Variants in RAP1A observed in about 807,000 individuals in gnomAD.
The protein encoded by RAP1A is RAP1A, member of RAS oncogene family, also known as ras-related protein Rap-1A.
Under a neutral mutation model 26.4 loss-of-function variants are expected in RAP1A, and 6 were observed. That is an observed-to-expected ratio of 0.23 (90% confidence interval 0.12 to 0.45). The LOEUF is 0.45. RAP1A is among the 20% of genes least tolerant of loss of function. The probability of loss-of-function intolerance (pLI) is 0.99; values close to 1 mark genes in which losing one functional copy is unlikely to be tolerated. For synonymous variants in RAP1A, 73 were observed against 79.4 expected (o/e 0.92, Z 0.43); for missense variants, 121 against 217.2 (o/e 0.56, Z 2.78).
At chr1:111,579,897 C>A (rs1486944880) in intron 1 of RAP1A, among the ~76,000 whole-genome samples, 1 of 151,260 alleles carries the variant, frequency 6.6e-6, no homozygotes, top group African/African-American at 2.4e-5. Context: ...GCAAGCGAGT[C>A]TCTTGCCTCA....
intron 6 of RAP1A, among the ~76,000 whole-genome samples, chr1:111,708,244 A>G (rs1158705283): frequency 0.011 from 2 of 176 alleles, no homozygotes; most frequent in Non-Finnish European, 0.024. Flanking sequence ...GACTTTTTCT[A>G]CTTTTTACGT....
chr1:111,704,427 CAGT>C lies in RAP1A; in HGVS notation c.410_412del (p.Gln137_Trp138delinsArg), dbSNP rs775402469. On this transcript the variant is annotated inframe_deletion, in exon 6 of 8. Transcript: ENST00000369709. Reference sequence around the variant, plus strand: ...AGAGCAGGGCCAGAATTTAGCAAGACAGTGGTGTAACTGTGCCTTTTTAGAATC... The same window carrying C: ...AGAGCAGGGCCAGAATTTAGCAAGACGGTGTAACTGTGCCTTTTTAGAATC... 2.5e-6 allele frequency: 4 copies of C among 1,613,906 alleles called. No homozygotes were observed. Among genetic ancestry groups the C allele is most frequent in the Non-Finnish European group, 3.4e-6 (4 of 1,179,882 alleles).
intron 1 of RAP1A, among the ~76,000 whole-genome samples, chr1:111,629,618 T>G (rs911262106): frequency 6.6e-6 from 1 of 152,202 alleles, no homozygotes; most frequent in African/African-American, 2.4e-5. Flanking sequence ...AATAAAGTAC[T>G]TATTATTTTT....
rs907188372 is a variant in RAP1A, at chr1:111,577,399, C to T, written c.-28+34890C>T. ...CCTGGGCAACAGAGCAAGACTCCAT[C>T]GCAAAAAAAAAAAAAAAAAAAAAAA... On this transcript the variant is annotated intron_variant, in intron 1 of 7. Coordinates refer to the RAP1A transcript ENST00000356415. Among the ~76,000 whole-genome samples, 16 of 53,318 alleles carry T rather than the reference C, an allele frequency of 3.0e-4. 1 individual carries two copies. Among genetic ancestry groups the T allele is most frequent in the South Asian group, 8.9e-4 (1 of 1,118 alleles). The allele number at this position is 53,318 out of a possible 152,430, so 35.0% of individuals were successfully genotyped here. A position where few individuals can be genotyped will look rare whatever the true frequency, so the allele number is the denominator to read the frequency against.
rs921928484 is a variant in RAP1A at position 111,709,333 on chromosome 1, A to G, written c.*29+69A>G. The G allele has an allele frequency of 3.5e-6, 5 of 1,425,004 alleles. No homozygotes were observed. In the African/African-American group the frequency reaches 5.8e-5, roughly 17 times the overall value. The allele number at this position is 1,425,004 out of a possible 1,614,324, so 88.3% of individuals were successfully genotyped here. On this transcript the variant is annotated intron_variant, in intron 7 of 7. Transcript: ENST00000369709. ...TTTTGGCTTTTTCCAGACTTTAGCT[A>G]CTTCCCATTTCATCTGTTATGGTAT... is the stretch of plus-strand genomic sequence containing the variant.
chr1:111,709,284 AC>A lies in RAP1A; in HGVS notation c.*29+21del. 1 of 1,561,264 alleles carries A rather than the reference AC, an allele frequency of 6.4e-7. No homozygotes were observed. The highest frequency in any genetic ancestry group is 8.6e-7 in the Non-Finnish European group (1 of 1,160,756). On this transcript the variant is annotated intron_variant, in intron 7 of 7. Transcript: ENST00000369709. ...AGCCAGGTAAGATGCTAAAAGCAGA[AC>A]AAGTGCCTTTCTCATGCTCCTATTT...
At chr1:111,561,148 G>A (rs1260516613) in intron 1 of RAP1A, among the ~76,000 whole-genome samples, 1 of 152,142 alleles carries the variant, frequency 6.6e-6, no homozygotes, top group East Asian at 1.9e-4. Flanking sequence ...TTTTGAGACA[G>A]GGTCTCCCTC....
At chr1:111,650,093 CTTTTTTTTTTTT>C (rs57681662) in intron 1 of RAP1A, among the ~76,000 whole-genome samples, 2 of 75,850 alleles carry the variant, frequency 2.6e-5, no homozygotes, top group Admixed American at 1.6e-4. Flanking sequence ...TGGTAGAGTG[CTTTTTTTTTTTT>C]TTTTTTTTTT....
At chr1:111,674,908 A>G (rs1384900519) in intron 1 of RAP1A, among the ~76,000 whole-genome samples, 1 of 152,110 alleles carries the variant, frequency 6.6e-6, no homozygotes, top group Non-Finnish European at 1.5e-5. Flanking sequence ...TCTTCAGTCC[A>G]TCTTGCATAC....
chr1:111,560,533 G>A (rs1436944600), intron 1 of RAP1A, among the ~76,000 whole-genome samples: 1 of 149,804 alleles, frequency 6.7e-6, no homozygotes, highest in African/African-American at 2.5e-5. Context: ...CTGTCACTGA[G>A]GCTGGAGTGC....
intron 1 of RAP1A, among the ~76,000 whole-genome samples, chr1:111,571,161 T>C (rs1658040855): frequency 6.6e-6 from 1 of 152,184 alleles, no homozygotes; most frequent in Non-Finnish European, 1.5e-5. Flanking sequence ...GGAACCACTT[T>C]GCTTACATTT....
chr1:111,699,176 C>T (rs1661935358), intron 4 of RAP1A, among the ~76,000 whole-genome samples: 1 of 152,118 alleles, frequency 6.6e-6, no homozygotes, highest in South Asian at 2.1e-4. Context: ...CAAAATCACT[C>T]CTTACACTTT....
At chr1:111,577,345 T>G (rs1168188713) in intron 1 of RAP1A, among the ~76,000 whole-genome samples, 1 of 123,534 alleles carries the variant, frequency 8.1e-6, no homozygotes, top group Non-Finnish European at 1.5e-5. Context: ...GAGGTTGCAA[T>G]GAGCCGAGAT....
intron 1 of RAP1A, among the ~76,000 whole-genome samples, chr1:111,567,669 A>G (rs1408871584): frequency 1.3e-5 from 2 of 152,190 alleles, no homozygotes; most frequent in Non-Finnish European, 2.9e-5. Flanking sequence ...AGGAAGAGAC[A>G]CCAGAGACAT....
chr1:111,571,760 G>A (rs976238192), intron 1 of RAP1A, among the ~76,000 whole-genome samples: 6 of 152,164 alleles, frequency 3.9e-5, no homozygotes. Context: ...CCTTTAGTTT[G>A]GGACAGGTCA....
At chr1:111,618,815 G>A (rs1321494502), upstream of RAP1A, among the ~76,000 whole-genome samples, 1 of 137,408 alleles carries the variant, frequency 7.3e-6, no homozygotes, top group Non-Finnish European at 1.6e-5. Flanking sequence ...CAATCAAAAT[G>A]TATCTAAATA....
At position 111,716,342 on chromosome 1, in the gene RAP1A, C is replaced by T. The variant is rs1662541248; in HGVS notation, c.*3941C>T. 1.3e-5 allele frequency: 2 copies of T among 152,296 alleles called. No individual in the cohort carries two copies. The highest frequency in any genetic ancestry group is 3.4e-3 in the Middle Eastern group (1 of 294). 9.4% of individuals were successfully genotyped at this position (152,296 alleles called of 1,614,324 possible). On this transcript the variant is annotated 3_prime_UTR_variant, in exon 8 of 8. Transcript: ENST00000369709. Reference sequence around the variant, plus strand: ...GTTATTCTTGAAAATGTAGTCCAGACATTTCTTTGATCCTGGATTTTACTG... The same window carrying T: ...GTTATTCTTGAAAATGTAGTCCAGATATTTCTTTGATCCTGGATTTTACTG...
At chr1:111,612,750 T>C (rs1658945101) in intron 1 of RAP1A, among the ~76,000 whole-genome samples, 1 of 152,246 alleles carries the variant, frequency 6.6e-6, no homozygotes, top group South Asian at 2.1e-4. Flanking sequence ...TGGATGTTTA[T>C]AGAATTACCT....
chr1:111,548,885 G>T (rs1037161220), intron 1 of RAP1A, among the ~76,000 whole-genome samples: 4 of 152,112 alleles, frequency 2.6e-5, no homozygotes, highest in Admixed American at 2.6e-4. Context: ...GCTCTGATAT[G>T]GGCTGTTTTC....
Sources: gnomAD v4.1 joint callset for allele counts (sites outside exome capture counted in the v4.1 genomes callset) on GRCh38, gnomAD v4.1.1 for gene constraint, MANE v1.5 for transcripts, NCBI Gene and HGNC (gene_info 2026-07-23, HGNC 2026-07-21) for gene names.